The following SFTPC variants were observed in gnomAD, a reference collection of about 807,000 sequenced individuals.
The protein encoded by SFTPC is BRICHOS domain containing 6.
A neutral mutation model predicts 19.9 loss-of-function variants in SFTPC; 12 were observed. The ratio of observed to expected loss-of-function variants is 0.60; its 90% CI spans 0.39 to 0.98. The LOEUF (loss-of-function observed/expected upper bound fraction) is 0.98, where lower values mean the gene tolerates loss of function less well. SFTPC is among the 50% of genes least tolerant of loss of function. The pLI, the probability that SFTPC is intolerant of heterozygous loss-of-function variation, is 0.00. For synonymous variants in SFTPC, 123 were observed against 103.3 expected (o/e 1.19, Z -1.16); for missense variants, 219 against 252.2 (o/e 0.87, Z 0.89).
At chr8:22,159,824 C>G (rs1050808434), upstream of SFTPC, 20 of 1,289,330 alleles carry the variant, frequency 1.6e-5, no homozygotes, top group African/African-American at 2.9e-4. Context: ...CTCCCGCTGG[C>G]CAGCTGCCCA....
At chr8:22,161,107 A>G (rs77954717), upstream of SFTPC, among the ~76,000 whole-genome samples, 1 of 152,200 alleles carries the variant, frequency 6.6e-6, no homozygotes, top group Non-Finnish European at 1.5e-5. Flanking sequence ...ACAAGCCCAG[A>G]GCAAAGAAGG....
Position 22,163,754 on chromosome 8 carries a change from T to C in SFTPC, c.436-147T>C, listed in dbSNP as rs576811364. 131 of 869,360 alleles carry C rather than the reference T, an allele frequency of 1.5e-4. 2 individuals are homozygous for C. In the Admixed American group the frequency reaches 2.5e-3, roughly 16 times the overall value. 53.9% of individuals were successfully genotyped at this position (869,360 alleles called of 1,614,324 possible). On this transcript the variant is annotated intron_variant, in intron 4 of 5. Transcript: ENST00000679463. Reference sequence around the variant, plus strand: ...TCAGCTGAGTCCACTCACTACCTGGTGGCTTCTGACTCTAGCACAGCCCCT... The same window carrying C: ...TCAGCTGAGTCCACTCACTACCTGGCGGCTTCTGACTCTAGCACAGCCCCT...
upstream of SFTPC, chr8:22,161,580 C>G: frequency 8.3e-7 from 1 of 1,203,026 alleles, no homozygotes; most frequent in Non-Finnish European, 1.1e-6. Flanking sequence ...GCTCAACTCA[C>G]CCAGGTTTGC....
Position 22,163,123 on chromosome 8 carries a change from T to A in SFTPC, c.245T>A (p.Leu82Gln). The change falls in exon 3 of 6, where the codon CTG becomes CAG. Residue 82 changes from leucine (L) to glutamine (Q), a missense_variant. Transcript: ENST00000679463. ...SIGAPEAQQR[L>Q]ALSEHLVTTA... ...GGGGCGCCGGAAGCCCAGCAACGCC[T>A]GGCCCTGAGTGAGCACCTGGTTACC... 6.2e-7 allele frequency: 1 copy of A among 1,614,186 alleles called. No individual in the cohort carries two copies. Among genetic ancestry groups the A allele is most frequent in the Non-Finnish European group, 8.5e-7 (1 of 1,180,028 alleles).
At chr8:22,162,778 C>G (rs751441472) in intron 2 of SFTPC, 46 bp downstream of exon 2, 1 of 1,610,376 alleles carries the variant, frequency 6.2e-7, no homozygotes, top group East Asian at 2.2e-5. Flanking sequence ...ACATGCCAGA[C>G]AGCGGGGCTA....
upstream of SFTPC, among the ~76,000 whole-genome samples, chr8:22,158,088 G>C (rs759466351): frequency 6.6e-6 from 1 of 152,154 alleles, no homozygotes; most frequent in Non-Finnish European, 1.5e-5. Flanking sequence ...TCATAGGCAC[G>C]GGGCAAGGGG....
chr8:22,160,887 T>C (rs934231359), upstream of SFTPC, among the ~76,000 whole-genome samples: 1 of 152,164 alleles, frequency 6.6e-6, no homozygotes, highest in South Asian at 2.1e-4. Context: ...TTTGGGTGAG[T>C]ATTATTCTCA....
upstream of SFTPC, among the ~76,000 whole-genome samples, chr8:22,161,298 G>A (rs1485147221): frequency 2.0e-5 from 3 of 152,126 alleles, no homozygotes; most frequent in South Asian, 2.1e-4. Flanking sequence ...ATGAAACCCC[G>A]AAAACTGATG....
At chr8:22,159,288 A>G (rs1024729849), upstream of SFTPC, among the ~76,000 whole-genome samples, 3 of 152,214 alleles carry the variant, frequency 2.0e-5, no homozygotes, top group African/African-American at 7.2e-5. Flanking sequence ...CCCTGTCTCT[A>G]AATAATTAAA....
intron 1 of SFTPC, among the ~76,000 whole-genome samples, chr8:22,162,121 C>T (rs187659188): frequency 1.8e-4 from 28 of 152,242 alleles, no homozygotes; most frequent in Non-Finnish European, 4.0e-4. Flanking sequence ...AGTCAGAAGC[C>T]ATGAGAAACT....
intron 4 of SFTPC, 46 bp from the exon 5 acceptor site, chr8:22,163,855 G>A (rs1440475141): frequency 6.5e-7 from 1 of 1,536,652 alleles, no homozygotes; most frequent in Non-Finnish European, 9.0e-7. Context: ...GCTGCACATG[G>A]GATAGAAACT....
chr8:22,158,262 C>T, upstream of SFTPC, among the ~76,000 whole-genome samples: 1 of 152,242 alleles, frequency 6.6e-6, no homozygotes, highest in East Asian at 1.9e-4. Flanking sequence ...GCCAGGGATG[C>T]CCCTGCCCTT....
At chr8:22,158,878 T>C (rs1424596472), upstream of SFTPC, 3 of 152,262 alleles carry the variant, frequency 2.0e-5, no homozygotes, top group Non-Finnish European at 4.4e-5. Flanking sequence ...GCATGCTTCC[T>C]GCCCAGTGGC....
chr8:22,162,567 G>A lies in SFTPC; in HGVS notation c.43-7G>A, dbSNP rs79440568. On this transcript the variant is annotated splice_region_variant and splice_polypyrimidine_tract_variant and intron_variant, in intron 1 of 5. Coordinates refer to ENST00000679463, the MANE Select transcript of SFTPC (RefSeq NM_001317778.2). ...TGCCTGTCTCCTTGCCTGCCCCACC[G>A]TGTCAGGACTACTCCGCAGCTCCCC... 2,696 of 1,613,436 alleles carry A rather than the reference G, an allele frequency of 1.7e-3. 30 individuals are homozygous for A. In the African/African-American group the frequency reaches 0.028, roughly 17 times the overall value.
intron 4 of SFTPC, 44 bp downstream of exon 4, chr8:22,163,590 G>C (rs778729773): frequency 7.4e-7 from 1 of 1,347,834 alleles, no homozygotes; most frequent in Admixed American, 1.7e-5. Context: ...TCCCTCCCAG[G>C]GCTGCTGGGA....
rs188074517 is a variant in SFTPC, at chr8:22,162,726, G to T, written c.195G>T (p.Thr65=). 1 of 1,614,154 alleles carries T rather than the reference G, an allele frequency of 6.2e-7. No homozygotes were observed. The highest frequency in any genetic ancestry group is 8.5e-7 in the Non-Finnish European group (1 of 1,180,010). ...LMGLHMSQKH[T]EMVLEMSIGA... ...GTCTCCACATGAGCCAGAAACACAC[G>T]GAGATGGTGAGAGGTGTGGGATGCA... Residue 65 remains threonine, a synonymous_variant, in exon 2 of 6, where the codon ACG becomes ACT. Transcript: ENST00000679463.
In SFTPC at chr8:22,162,829, G is replaced by T. The variant is rs550944537; in HGVS notation, c.201+97G>T. 3.9e-4 allele frequency: 585 copies of T among 1,517,814 alleles called. 5 individuals are homozygous for T. In the South Asian group the frequency reaches 3.9e-3, roughly 10 times the overall value. The allele number at this position is 1,517,814 out of a possible 1,614,324, so 94.0% of individuals were successfully genotyped here. On this transcript the variant is annotated intron_variant, in intron 2 of 5. Transcript: ENST00000679463. ...AGGAAACTGTCCAAGGGGAGTGGAGGGGAGGAGGCAAGGGGCACAGCTAGA... is the reference window on the plus strand; with the variant it reads ...AGGAAACTGTCCAAGGGGAGTGGAGTGGAGGAGGCAAGGGGCACAGCTAGA...
chr8:22,163,103 G>A lies in SFTPC; in HGVS notation c.225G>A (p.Ala75=), dbSNP rs369210212. The A allele has an allele frequency of 1.2e-5, 20 of 1,614,026 alleles. No homozygotes were observed. Among genetic ancestry groups the A allele is most frequent in the African/African-American group, 1.1e-4 (8 of 74,918 alleles). ...TEMVLEMSIG[A]PEAQQRLALS... ...AGGTTCTGGAGATGAGCATTGGGGC[G>A]CCGGAAGCCCAGCAACGCCTGGCCC... The change falls in exon 3 of 6, where the codon GCG becomes GCA. Residue 75 remains alanine (A), a synonymous_variant. Transcript: ENST00000679463.
chr8:22,163,179 C>T lies in SFTPC; in HGVS notation c.301C>T (p.Leu101Phe), dbSNP rs747785707. The change falls in exon 3 of 6, where the codon CTC becomes TTC. Residue 101 changes from leucine (L) to phenylalanine (F), a missense_variant. Coordinates refer to ENST00000679463, the MANE Select transcript of SFTPC (RefSeq NM_001317778.2). ...TATFSIGSTGLVVYDYQQLLI... is the reference protein window; with the variant it reads ...TATFSIGSTGFVVYDYQQLLI... Reference sequence around the variant, plus strand: ...CACCTTCTCCATCGGCTCCACTGGCCTCGTGGTGTATGACTACCAGCAGGT... The same window carrying T: ...CACCTTCTCCATCGGCTCCACTGGCTTCGTGGTGTATGACTACCAGCAGGT... 2 of 1,614,078 alleles carry T rather than the reference C, an allele frequency of 1.2e-6. No homozygotes were observed. Among genetic ancestry groups the T allele is most frequent in the African/African-American group, 1.3e-5 (1 of 74,926 alleles).
Sources: gnomAD v4.1 joint callset for allele counts (sites outside exome capture counted in the v4.1 genomes callset) on GRCh38, gnomAD v4.1.1 for gene constraint, MANE v1.5 for transcripts, NCBI Gene and HGNC (gene_info 2026-07-23, HGNC 2026-07-21) for gene names.